Variants in DHX9 observed in about 807,000 individuals in gnomAD.
DHX9 encodes DExH-box helicase 9.
A neutral mutation model predicts 148.7 loss-of-function variants in DHX9; 27 were observed. The ratio of observed to expected loss-of-function variants is 0.18; its 90% confidence interval spans 0.13 to 0.25. The LOEUF is 0.25. Ranked by LOEUF, DHX9 falls within the 10% of genes least tolerant of loss-of-function variation. The probability of loss-of-function intolerance (pLI) is 1.00; values close to 1 mark genes in which losing one functional copy is unlikely to be tolerated. For missense variants in DHX9, 796 were observed against 1,559.6 expected (o/e 0.51, Z 8.25); for synonymous variants, 529 against 516.6 (o/e 1.02, Z -0.33).
At chr1:182,864,072 G>A (rs1478196359) in intron 12 of DHX9, among the ~76,000 whole-genome samples, 1 of 152,148 alleles carries the variant, frequency 6.6e-6, no homozygotes, top group Non-Finnish European at 1.5e-5. Flanking sequence ...GCTGAGGTGG[G>A]AGGATCGCTT....
At chr1:182,848,392 A>G (rs888963024) in intron 3 of DHX9, among the ~76,000 whole-genome samples, 1 of 152,220 alleles carries the variant, frequency 6.6e-6, no homozygotes, top group Non-Finnish European at 1.5e-5. Flanking sequence ...ACAAACTCCT[A>G]CAACAAAGAA....
At chr1:182,844,123 T>C (rs1667982703) in intron 3 of DHX9, among the ~76,000 whole-genome samples, 1 of 152,088 alleles carries the variant, frequency 6.6e-6, no homozygotes, top group Non-Finnish European at 1.5e-5. Flanking sequence ...ATTTTTTATG[T>C]TTTTAGTAGA....
intron 3 of DHX9, among the ~76,000 whole-genome samples, chr1:182,843,856 G>A (rs978389873): frequency 2.1e-4 from 32 of 152,196 alleles, no homozygotes; most frequent in East Asian, 3.9e-4. Flanking sequence ...AGAATGCAGT[G>A]ACACAACCAT....
chr1:182,884,285 T>G (rs984468595), intron 26 of DHX9, among the ~76,000 whole-genome samples: 10 of 151,996 alleles, frequency 6.6e-5, no homozygotes, highest in African/African-American at 2.4e-4. Flanking sequence ...AAAAAGAAAG[T>G]CTGAATGATC....
At chr1:182,873,287 G>C (rs1238143851) in intron 15 of DHX9, among the ~76,000 whole-genome samples, 1 of 152,116 alleles carries the variant, frequency 6.6e-6, no homozygotes, top group Non-Finnish European at 1.5e-5. Context: ...TGTTACCACA[G>C]TTTTCTAGGA....
At chr1:182,840,913 A>G (rs1667914314) in intron 1 of DHX9, among the ~76,000 whole-genome samples, 1 of 152,210 alleles carries the variant, frequency 6.6e-6, no homozygotes, top group Non-Finnish European at 1.5e-5. Flanking sequence ...GGGGAAATTT[A>G]AAATTCTGTT....
At chr1:182,880,397 A>T (rs778953614) in intron 21 of DHX9, 100 bp from the exon 22 acceptor site, 136 of 676,360 alleles carry the variant, frequency 2.0e-4, no homozygotes, top group Middle Eastern at 6.9e-4. Context: ...TTGACAAAAG[A>T]GGAACTCTAA....
intron 12 of DHX9, among the ~76,000 whole-genome samples, chr1:182,861,300 G>C (rs1446269538): frequency 1.3e-5 from 2 of 152,022 alleles, no homozygotes; most frequent in Non-Finnish European, 2.9e-5. Context: ...AGGATTCCTA[G>C]CTTGTTCACA....
intron 15 of DHX9, 116 bp downstream of exon 15, chr1:182,872,609 G>A: frequency 1.8e-6 from 2 of 1,086,958 alleles, no homozygotes; most frequent in Non-Finnish European, 2.7e-6. Flanking sequence ...ACAAATTATA[G>A]TATCAAATGT....
intron 14 of DHX9, among the ~76,000 whole-genome samples, chr1:182,869,552 C>T (rs997117064): frequency 5.9e-5 from 9 of 152,116 alleles, no homozygotes; most frequent in African/African-American, 9.7e-5. Context: ...CAGTCCTGAC[C>T]GGTCTTATCT....
intron 16 of DHX9, among the ~76,000 whole-genome samples, chr1:182,875,754 A>C (rs1237206923): frequency 1.3e-5 from 2 of 152,226 alleles, no homozygotes; most frequent in Non-Finnish European, 2.9e-5. Context: ...ACATTATTTC[A>C]ATAATACAAA....
chr1:182,870,458 T>C (rs145015835), intron 14 of DHX9, among the ~76,000 whole-genome samples: 1 of 151,984 alleles, frequency 6.6e-6, no homozygotes, highest in African/African-American at 2.4e-5. Flanking sequence ...AGTTGACAGA[T>C]GGGATAAGAC....
intron 1 of DHX9, 119 bp downstream of exon 1, chr1:182,839,575 G>C (rs1478508905): frequency 1.3e-5 from 2 of 152,642 alleles, no homozygotes; most frequent in East Asian, 1.9e-4. Context: ...GGCTGGGGGT[G>C]GGGGAAGGGA....
intron 3 of DHX9, among the ~76,000 whole-genome samples, chr1:182,844,568 C>T (rs1025442422): frequency 3.9e-5 from 6 of 152,078 alleles, no homozygotes; most frequent in Admixed American, 2.6e-4. Context: ...TTTTTTAAGA[C>T]GGAGTCTTGC....
Position 182,846,958 on chromosome 1 carries a change from C to T in DHX9, c.252+3524C>T, listed in dbSNP as rs185325823. On this transcript the variant is annotated intron_variant, in intron 3 of 27. Transcript: ENST00000367549. ...TTGAATAATTTTTATTGATTATCTT[C>T]AGATTCTTTGATAGTTTTTTCTGTC... 2.3e-4 allele frequency among the ~76,000 whole-genome samples: 34 copies of T among 151,038 alleles called. No individual in the cohort carries two copies. The East Asian group carries it at 5.4e-3, about 24-fold the overall frequency.
chr1:182,848,281 T>C (rs1231559707), intron 3 of DHX9, among the ~76,000 whole-genome samples: 1 of 152,228 alleles, frequency 6.6e-6, no homozygotes, highest in Non-Finnish European at 1.5e-5. Flanking sequence ...AAGGGATGTT[T>C]GGGGATGTAT....
chr1:182,868,174 G>A (rs1461844234), intron 14 of DHX9, among the ~76,000 whole-genome samples: 1 of 152,052 alleles, frequency 6.6e-6, no homozygotes, highest in Non-Finnish European at 1.5e-5. Flanking sequence ...TCATAAAATT[G>A]AATAGTACTC....
At chr1:182,865,876 T>C (rs2102606690) in intron 12 of DHX9, among the ~76,000 whole-genome samples, 1 of 152,332 alleles carries the variant, frequency 6.6e-6, no homozygotes, top group Admixed American at 6.5e-5. Flanking sequence ...CATTAATCTA[T>C]AGCATTCCCC....
In DHX9 at chr1:182,887,173, C is replaced by T. The variant is rs746778475; in HGVS notation, c.3552C>T (p.Gly1184=). The change falls in exon 28 of 28, where the codon GGC becomes GGT. Residue 1184 remains glycine (G), a synonymous_variant. Coordinates refer to ENST00000367549, the MANE Select transcript of DHX9 (RefSeq NM_001357.5). ...GAGGTTCTAGTTACAGTGGTGGAGG[C>T]TATGGCGGTGGCTATAGCAGTGGAG... ...RRGGSSYSGG[G]YGGGYSSGGY... 2 of 1,614,100 alleles carry T rather than the reference C, an allele frequency of 1.2e-6. No individual in the cohort carries two copies. Among genetic ancestry groups the T allele is most frequent in the Admixed American group, 3.3e-5 (2 of 60,016 alleles).
Sources: gnomAD v4.1 joint callset for allele counts (sites outside exome capture counted in the v4.1 genomes callset) on GRCh38, gnomAD v4.1.1 for gene constraint, MANE v1.5 for transcripts, NCBI Gene and HGNC (gene_info 2026-07-23, HGNC 2026-07-21) for gene names.